Variants in FCHO2 observed in about 807,000 individuals in gnomAD.
FCHO2 encodes the protein F-BAR domain only protein 2.
A neutral mutation model predicts 114.1 loss-of-function variants in FCHO2; 43 were observed. That is an observed-to-expected ratio of 0.38 (90% CI 0.30 to 0.49). FCHO2 has a LOEUF of 0.49. Among genes scored for constraint, FCHO2 ranks in the 20% least tolerant of loss-of-function variants. The probability of loss-of-function intolerance (pLI) is 0.97; values close to 1 mark genes in which losing one functional copy is unlikely to be tolerated. For missense variants in FCHO2, 807 were observed against 950.4 expected (o/e 0.85, Z 1.98); for synonymous variants, 293 against 315.2 (o/e 0.93, Z 0.75).
In FCHO2 at chr5:72,991,328, T is replaced by C. The variant is rs189237603; in HGVS notation, c.495+464T>C. Among the ~76,000 whole-genome samples the C allele has an allele frequency of 1.9e-3, 288 of 152,320 alleles. 3 individuals are homozygous for C. Among genetic ancestry groups the C allele is most frequent in the African/African-American group, 6.8e-3 (282 of 41,558 alleles). On this transcript the variant is annotated intron_variant, in intron 5 of 25. Coordinates refer to ENST00000430046, the MANE Select transcript of FCHO2 (RefSeq NM_138782.3). Reference sequence around the variant, plus strand: ...ATCCGCCCACCTTGGCCTCCCCAAGTGCTGGGATTACAGGCATGAGCCACT... The same window carrying C: ...ATCCGCCCACCTTGGCCTCCCCAAGCGCTGGGATTACAGGCATGAGCCACT...
chr5:72,997,002 G>A (rs1398124857), intron 5 of FCHO2: 29 of 1,582,226 alleles, frequency 1.8e-5, no homozygotes, highest in Middle Eastern at 2.3e-4. Flanking sequence ...GCCCTTTTGC[G>A]GTGGCAGATC....
At chr5:73,001,448 CAAAAAAAAAAAAA>C (rs1215202339) in intron 5 of FCHO2, among the ~76,000 whole-genome samples, 4 of 65,530 alleles carry the variant, frequency 6.1e-5, no homozygotes, top group East Asian at 4.4e-4. Context: ...GATCCTGTCT[CAAAAAAAAAAAAA>C]AAAAAAAAAA....
At chr5:73,031,805 A>G (rs974030959) in intron 8 of FCHO2, among the ~76,000 whole-genome samples, 2 of 152,188 alleles carry the variant, frequency 1.3e-5, no homozygotes, top group African/African-American at 4.8e-5. Context: ...CAGAGCCAAA[A>G]TGGTTTTATT....
chr5:73,056,884 T>G (rs143104699), intron 16 of FCHO2, among the ~76,000 whole-genome samples: 2 of 151,640 alleles, frequency 1.3e-5, no homozygotes, highest in Non-Finnish European at 2.9e-5. Context: ...AAAAAAAAAA[T>G]GTTAAGCCAA....
intron 16 of FCHO2, among the ~76,000 whole-genome samples, chr5:73,057,974 C>T (rs569709775): frequency 6.6e-6 from 1 of 152,208 alleles, no homozygotes; most frequent in South Asian, 2.1e-4. Flanking sequence ...AATTTCTACA[C>T]ATATACTACT....
intron 11 of FCHO2, among the ~76,000 whole-genome samples, chr5:73,045,374 CT>C (rs1183635808): frequency 6.6e-6 from 1 of 152,100 alleles, no homozygotes; most frequent in Non-Finnish European, 1.5e-5. Flanking sequence ...TTGAGATTGG[CT>C]TTTTTCCACT....
At chr5:72,993,136 CAAAT>C (rs911904787) in intron 5 of FCHO2, among the ~76,000 whole-genome samples, 6 of 150,982 alleles carry the variant, frequency 4.0e-5, no homozygotes, top group African/African-American at 7.3e-5. Context: ...TGAGGATGTT[CAAAT>C]AAATAAACAT....
At chr5:73,075,001 C>A in intron 20 of FCHO2, 148 bp downstream of exon 20, 2 of 626,746 alleles carry the variant, frequency 3.2e-6, no homozygotes, top group South Asian at 2.3e-5. Flanking sequence ...TTTTTGCTAT[C>A]TAAGGTAGTC....
chr5:73,037,320 G>A (rs1385201041), intron 10 of FCHO2, 105 bp downstream of exon 10: 3 of 733,506 alleles, frequency 4.1e-6, no homozygotes, highest in Non-Finnish European at 6.3e-6. Flanking sequence ...TAACTCAAAA[G>A]TATATGTGTA....
intron 1 of FCHO2, among the ~76,000 whole-genome samples, chr5:72,964,583 T>C (rs940551874): frequency 1.3e-5 from 2 of 152,152 alleles, no homozygotes; most frequent in Non-Finnish European, 2.9e-5. Flanking sequence ...GGACGGGGTT[T>C]CACCATGTTG....
chr5:72,972,623 G>A (rs1345142739), intron 2 of FCHO2, among the ~76,000 whole-genome samples: 1 of 152,142 alleles, frequency 6.6e-6, no homozygotes, highest in East Asian at 1.9e-4. Flanking sequence ...GGGTTTTCTA[G>A]ATATACAATC....
At chr5:73,025,465 G>A (rs1157163372) in intron 8 of FCHO2, among the ~76,000 whole-genome samples, 4 of 148,872 alleles carry the variant, frequency 2.7e-5, no homozygotes, top group Non-Finnish European at 5.9e-5. Context: ...TGCAACCTCC[G>A]CCTGCCGGGT....
At chr5:72,977,607 A>G (rs1752959370) in intron 2 of FCHO2, among the ~76,000 whole-genome samples, 1 of 152,126 alleles carries the variant, frequency 6.6e-6, no homozygotes, top group South Asian at 2.1e-4. Context: ...TGCTGTGCAG[A>G]AGCTCTTTAG....
intron 18 of FCHO2, among the ~76,000 whole-genome samples, chr5:73,065,987 G>A (rs1279429064): frequency 1.3e-5 from 2 of 151,994 alleles, no homozygotes; most frequent in African/African-American, 2.4e-5. Context: ...GTGAGAACAT[G>A]AGGTATTTGA....
At chr5:72,988,708 T>A (rs1450834040) in intron 2 of FCHO2, among the ~76,000 whole-genome samples, 1 of 152,226 alleles carries the variant, frequency 6.6e-6, no homozygotes, top group Non-Finnish European at 1.5e-5. Context: ...CAAATGACTG[T>A]CATTAATCTC....
chr5:73,019,739 C>T (rs1200723281), intron 8 of FCHO2, among the ~76,000 whole-genome samples: 1 of 152,142 alleles, frequency 6.6e-6, no homozygotes, highest in East Asian at 1.9e-4. Flanking sequence ...TGTCCAGCTG[C>T]CTTGATAAAA....
At chr5:73,020,772 T>TA in intron 8 of FCHO2, 3 of 1,027,554 alleles carry the variant, frequency 2.9e-6, no homozygotes, top group Non-Finnish European at 4.6e-6. Context: ...CTGTGAGAGA[T>TA]ATGGCACTGT....
rs1394479901 is a variant in FCHO2 at position 73,067,246 on chromosome 5, T to G, written c.1450-1404T>G. ...AAAAAAATTAAAAAGGCAGTCACAT[T>G]ATGTTGGCCTAGAGGTTATGTTGCC... On this transcript the variant is annotated intron_variant, in intron 18 of 25. Coordinates refer to ENST00000430046, the MANE Select transcript of FCHO2 (RefSeq NM_138782.3). 3.3e-5 allele frequency among the ~76,000 whole-genome samples: 5 copies of G among 152,050 alleles called. No homozygotes were observed. In the South Asian group the frequency reaches 1.0e-3, roughly 31 times the overall value.
At chr5:73,041,941 A>C (rs1304383209) in intron 11 of FCHO2, among the ~76,000 whole-genome samples, 1 of 152,100 alleles carries the variant, frequency 6.6e-6, no homozygotes, top group East Asian at 1.9e-4. Flanking sequence ...GATACCGTTC[A>C]TGTTGATAAG....
Sources: allele counts gnomAD v4.1 joint callset (sites outside exome capture counted in the v4.1 genomes callset), GRCh38; gene constraint gnomAD v4.1.1; transcripts MANE v1.5; gene names NCBI Gene and HGNC (gene_info 2026-07-23, HGNC 2026-07-21).